MCPH1: variants seen among roughly 807,000 people sequenced by gnomAD.
MCPH1 encodes the protein microcephalin.
A neutral mutation model predicts 84.5 loss-of-function variants in MCPH1; 104 were observed. That is an observed-to-expected ratio of 1.23 (90% CI 1.05 to 1.45). MCPH1 has a LOEUF of 1.45. Among genes scored for constraint, MCPH1 ranks in the 40% most tolerant of loss-of-function variants. The pLI is 0.00. For synonymous variants in MCPH1, 514 were observed against 366.8 expected, an observed-to-expected ratio of 1.40 and a Z score of -4.58; for missense variants, 1,498 against 1,005.7, an observed-to-expected ratio of 1.49 and a Z score of -6.62.
chr8:6,435,487 C>T (rs1802512061), intron 4 of MCPH1, among the ~76,000 whole-genome samples: 1 of 152,106 alleles, frequency 6.6e-6, no homozygotes, highest in African/African-American at 2.4e-5. Flanking sequence ...TGGGAGGTGT[C>T]ATCTGACTGG....
chr8:6,537,007 GCCATCCT>G (rs1449037510), intron 12 of MCPH1, among the ~76,000 whole-genome samples: 2 of 145,912 alleles, frequency 1.4e-5, no homozygotes, highest in African/African-American at 2.5e-5. Flanking sequence ...CAGTAAATAA[GCCATCCT>G]CCACTGGCAG....
At chr8:6,635,416 A>T (rs1233526477) in intron 13 of MCPH1, 1 of 152,080 alleles carries the variant, frequency 6.6e-6, no homozygotes, top group Non-Finnish European at 1.5e-5. Context: ...TCAAAGAAAG[A>T]ATCCTAAGAC....
intron 11 of MCPH1, among the ~76,000 whole-genome samples, chr8:6,491,374 T>TTC (rs1397848913): frequency 3.0e-5 from 4 of 134,010 alleles, no homozygotes; most frequent in Non-Finnish European, 4.7e-5. Flanking sequence ...TATGGTTTCT[T>TTC]TCTTTTTTTT....
In MCPH1 at chr8:6,436,140, A is replaced by G. The variant is rs764843304; in HGVS notation, c.414A>G (p.Leu138=). Residue 138 remains leucine (L), a synonymous_variant, in exon 5 of 14, where the codon CTA becomes CTG. Transcript: ENST00000344683. ...QKKFEKMAKE[L]QRQKTNLDDD... is the part of the protein sequence containing the mutation. ...AATTTGAGAAAATGGCTAAAGAGCT[A>G]CAAAGGCAAAAAACAAATCTAGGTA... 4 of 1,613,622 alleles carry G rather than the reference A, an allele frequency of 2.5e-6. No individual in the cohort carries two copies. The East Asian group carries it at 6.7e-5, about 27-fold the overall frequency.
At position 6,621,580 on chromosome 8, in the gene MCPH1, C is replaced by G; in HGVS notation, c.2341C>G (p.Leu781Val). The G allele has an allele frequency of 6.2e-7, 1 of 1,614,248 alleles. No individual in the cohort carries two copies. Among genetic ancestry groups the G allele is most frequent in the Non-Finnish European group, 8.5e-7 (1 of 1,180,044 alleles). ...GGCCAAGCTCTGTGAACTAGTCCAC[C>G]TGTGCGGAGGCCGGGTCAGCCAAGT... The part of the protein sequence containing the change: ...PVAKLCELVH[L>V]CGGRVSQVPR... The change falls in exon 13 of 14, where the codon CTG (leucine) becomes GTG (valine). Residue 781 changes from leucine to valine, a missense_variant. Physicochemically the swap from Leu to Val is conservative, Grantham distance 32. Coordinates refer to ENST00000344683, the MANE Select transcript of MCPH1 (RefSeq NM_024596.5).
chr8:6,593,730 G>C (rs1267983818), intron 12 of MCPH1, among the ~76,000 whole-genome samples: 1 of 152,172 alleles, frequency 6.6e-6, no homozygotes, highest in East Asian at 1.9e-4. Flanking sequence ...ATAGAGCTTT[G>C]AAGAGAACAT....
At chr8:6,480,572 G>T (rs1269330414) in intron 10 of MCPH1, 142 bp from the exon 11 acceptor site, 3 of 807,140 alleles carry the variant, frequency 3.7e-6, no homozygotes, top group East Asian at 2.5e-5. Context: ...TTATAAGTCA[G>T]TTAAGATATA....
At chr8:6,410,505 A>G (rs530419595) in intron 2 of MCPH1, among the ~76,000 whole-genome samples, 2 of 152,204 alleles carry the variant, frequency 1.3e-5, no homozygotes, top group Non-Finnish European at 2.9e-5. Context: ...GTTTCTTAGT[A>G]TAGCCATCTC....
chr8:6,448,093 G>A (rs747788258), intron 8 of MCPH1, among the ~76,000 whole-genome samples: 5 of 152,082 alleles, frequency 3.3e-5, no homozygotes, highest in Admixed American at 1.3e-4. Context: ...ATGAAGCAGC[G>A]TGCACCCTCA....
At chr8:6,638,353 C>T (rs1347167696) in intron 13 of MCPH1, among the ~76,000 whole-genome samples, 1 of 152,086 alleles carries the variant, frequency 6.6e-6, no homozygotes, top group Non-Finnish European at 1.5e-5. Flanking sequence ...ACATGGGTCC[C>T]GTGTGCTCTT....
intron 12 of MCPH1, among the ~76,000 whole-genome samples, chr8:6,575,727 C>G (rs1827022161): frequency 6.6e-6 from 1 of 152,136 alleles, no homozygotes. Context: ...GAGTGGGCCC[C>G]TAATCTAATG....
chr8:6,459,458 G>T (rs1160303298), intron 9 of MCPH1, among the ~76,000 whole-genome samples: 1 of 152,084 alleles, frequency 6.6e-6, no homozygotes, highest in Non-Finnish European at 1.5e-5. Flanking sequence ...ACATATTAAG[G>T]TATTAGATTC....
At chr8:6,529,960 G>C (rs1167259514) in intron 12 of MCPH1, among the ~76,000 whole-genome samples, 1 of 151,450 alleles carries the variant, frequency 6.6e-6, no homozygotes, top group African/African-American at 2.4e-5. Flanking sequence ...GATGTAGCAA[G>C]GTTTGCATTG....
intron 5 of MCPH1, among the ~76,000 whole-genome samples, chr8:6,438,420 G>A (rs2129554860): frequency 6.6e-6 from 1 of 152,160 alleles, no homozygotes; most frequent in Non-Finnish European, 1.5e-5. Flanking sequence ...GCATATGCAA[G>A]GTAGCATTCC....
chr8:6,542,005 C>G (rs1821670356), intron 12 of MCPH1, among the ~76,000 whole-genome samples: 1 of 133,148 alleles, frequency 7.5e-6, no homozygotes, highest in Admixed American at 7.8e-5. Flanking sequence ...GAGACTCAAT[C>G]TCAAAAAAAA....
intron 12 of MCPH1, among the ~76,000 whole-genome samples, chr8:6,530,890 C>G (rs988941952): frequency 6.6e-6 from 1 of 152,212 alleles, no homozygotes. Context: ...CTTATGGCAT[C>G]TCCCCTCTCA....
At chr8:6,635,673 G>A (rs539424298) in intron 13 of MCPH1, among the ~76,000 whole-genome samples, 9 of 152,276 alleles carry the variant, frequency 5.9e-5, no homozygotes, top group Non-Finnish European at 8.8e-5. Flanking sequence ...AGGAGCTGTC[G>A]GTTCTAAGAC....
At chr8:6,472,240 C>G (rs1301647544) in intron 9 of MCPH1, among the ~76,000 whole-genome samples, 1 of 152,034 alleles carries the variant, frequency 6.6e-6, no homozygotes, top group African/African-American at 2.4e-5. Flanking sequence ...AATATCACAT[C>G]AAGAGGGTTA....
intron 12 of MCPH1, among the ~76,000 whole-genome samples, chr8:6,591,216 C>T (rs998853050): frequency 2.0e-5 from 3 of 152,252 alleles, no homozygotes; most frequent in Admixed American, 6.5e-5. Context: ...GTCTTCCTAT[C>T]GCATTTTGAC....
Sources: allele counts gnomAD v4.1 joint callset (sites outside exome capture counted in the v4.1 genomes callset), GRCh38; gene constraint gnomAD v4.1.1; transcripts MANE v1.5; gene names NCBI Gene and HGNC (gene_info 2026-07-23, HGNC 2026-07-21).